The following FAM210A variants were observed in gnomAD, a reference collection of about 807,000 sequenced individuals.
The protein encoded by FAM210A is family with sequence similarity 210 member A.
A neutral mutation model predicts 25.3 loss-of-function variants in FAM210A; 13 were observed. The ratio of observed to expected loss-of-function variants is 0.51; its 90% CI spans 0.33 to 0.82. FAM210A has a LOEUF of 0.82. FAM210A is among the 40% of genes least tolerant of loss of function. FAM210A has a pLI of 0.02. For synonymous variants in FAM210A, 125 were observed against 118.7 expected (o/e 1.05, Z -0.35); for missense variants, 319 against 323.2 (o/e 0.99, Z 0.10).
At chr18:13,702,319 T>G (rs543836216) in intron 1 of FAM210A, among the ~76,000 whole-genome samples, 2 of 152,232 alleles carry the variant, frequency 1.3e-5, no homozygotes, top group Non-Finnish European at 2.9e-5. Flanking sequence ...TGCAGCCAAT[T>G]TGGTATGCTT....
At chr18:13,679,732 T>C (rs2043534791) in intron 2 of FAM210A, among the ~76,000 whole-genome samples, 1 of 152,128 alleles carries the variant, frequency 6.6e-6, no homozygotes, top group Non-Finnish European at 1.5e-5. Flanking sequence ...AGTAGACAGT[T>C]GTATCACCAT....
At chr18:13,713,276 ATAACT>A (rs773830123) in intron 1 of FAM210A, among the ~76,000 whole-genome samples, 1 of 152,246 alleles carries the variant, frequency 6.6e-6, no homozygotes, top group Admixed American at 6.5e-5. Flanking sequence ...CAAATTCAAC[ATAACT>A]TAACAACATA....
Position 13,674,456 on chromosome 18 carries a change from G to T in FAM210A, c.474-2483C>A, listed in dbSNP as rs1211651577. ...TAACATTCCTGAGCCCTAGCTTCTT[G>T]ATTTCCAGTTTCCTGATTATTAACA... On this transcript the variant is annotated intron_variant, in intron 2 of 3. Coordinates refer to ENST00000651643, the MANE Select transcript of FAM210A (RefSeq NM_152352.4). 3.1e-4 allele frequency among the ~76,000 whole-genome samples: 2 copies of T among 6,500 alleles called. 1 individual carries two copies. Among genetic ancestry groups the T allele is most frequent in the Non-Finnish European group, 6.5e-4 (2 of 3,080 alleles). 4.3% of individuals were successfully genotyped at this position (6,500 alleles called of 152,430 possible).
chr18:13,669,139 A>G (rs1453511487), intron 3 of FAM210A, among the ~76,000 whole-genome samples: 6 of 152,132 alleles, frequency 3.9e-5, no homozygotes, highest in Admixed American at 3.9e-4. Context: ...GAATCCAACT[A>G]CTTCCTGCTA....
At chr18:13,699,292 C>T (rs1462011185) in intron 1 of FAM210A, among the ~76,000 whole-genome samples, 1 of 152,162 alleles carries the variant, frequency 6.6e-6, no homozygotes, top group Admixed American at 6.5e-5. Flanking sequence ...GCCTATTCTG[C>T]TTTGGGGGCT....
intron 1 of FAM210A, among the ~76,000 whole-genome samples, chr18:13,694,825 A>T (rs1238788010): frequency 6.6e-6 from 1 of 152,258 alleles, no homozygotes; most frequent in Non-Finnish European, 1.5e-5. Context: ...TTCATCACTA[A>T]AACACCAAAA....
At chr18:13,721,816 G>A (rs1188543222) in intron 1 of FAM210A, among the ~76,000 whole-genome samples, 2 of 152,152 alleles carry the variant, frequency 1.3e-5, no homozygotes, top group African/African-American at 4.8e-5. Context: ...GAGTGTCCTG[G>A]AATTAGTGTC....
At chr18:13,708,210 G>C (rs2043794697) in intron 1 of FAM210A, among the ~76,000 whole-genome samples, 1 of 152,164 alleles carries the variant, frequency 6.6e-6, no homozygotes, top group Admixed American at 6.5e-5. Context: ...GGATTTACTG[G>C]ATTATTATAA....
chr18:13,681,352 G>A (rs1326896543), intron 2 of FAM210A, among the ~76,000 whole-genome samples: 1 of 152,164 alleles, frequency 6.6e-6, no homozygotes, highest in African/African-American at 2.4e-5. Flanking sequence ...CATAAAATGG[G>A]TGTAACTGTG....
At chr18:13,688,715 A>G (rs2043618055) in intron 1 of FAM210A, among the ~76,000 whole-genome samples, 3 of 152,348 alleles carry the variant, frequency 2.0e-5, no homozygotes, top group African/African-American at 7.2e-5. Context: ...CACTGAGCGG[A>G]TAACGCTGCT....
intron 3 of FAM210A, 45 bp from the exon 4 acceptor site, chr18:13,666,758 CTG>C: frequency 6.5e-7 from 1 of 1,540,452 alleles, no homozygotes; most frequent in Non-Finnish European, 8.9e-7. Flanking sequence ...CTGGTTATTA[CTG>C]TCATCTTAAG....
At chr18:13,685,094 A>G (rs1444671935) in intron 1 of FAM210A, among the ~76,000 whole-genome samples, 1 of 152,186 alleles carries the variant, frequency 6.6e-6, no homozygotes, top group Non-Finnish European at 1.5e-5. Flanking sequence ...CTCTTGTCCA[A>G]ATTCCTATCT....
chr18:13,664,406 C>T lies in FAM210A; in HGVS notation c.*2074G>A, dbSNP rs1188261664. ...TGTTTTAGAAAAATTCCATATAACA[C>T]AAGATTTTCACATAGTCTCCAGTGG... is the stretch of plus-strand genomic sequence containing the variant. On this transcript the variant is annotated 3_prime_UTR_variant, in exon 4 of 4. Transcript: ENST00000651643. 1 of 152,036 alleles carries T rather than the reference C, an allele frequency of 6.6e-6. No individual in the cohort carries two copies. Among genetic ancestry groups the T allele is most frequent in the Non-Finnish European group, 1.5e-5 (1 of 67,998 alleles). The allele number at this position is 152,036 out of a possible 1,614,324, so 9.4% of individuals were successfully genotyped here. A position where few individuals can be genotyped will look rare whatever the true frequency, so the allele number is the denominator to read the frequency against.
chr18:13,702,951 T>TA (rs895055084), intron 1 of FAM210A, among the ~76,000 whole-genome samples: 10 of 151,942 alleles, frequency 6.6e-5, no homozygotes, highest in African/African-American at 1.7e-4. Flanking sequence ...AGGACTTTTT[T>TA]AAAAAAAAGA....
At chr18:13,700,655 C>G (rs942637016) in intron 1 of FAM210A, among the ~76,000 whole-genome samples, 1 of 152,228 alleles carries the variant, frequency 6.6e-6, no homozygotes, top group Non-Finnish European at 1.5e-5. Context: ...CATCTCCAAA[C>G]CTCTCGGGAA....
intron 1 of FAM210A, among the ~76,000 whole-genome samples, chr18:13,719,332 TC>T (rs1242576867): frequency 6.6e-6 from 1 of 152,206 alleles, no homozygotes; most frequent in Non-Finnish European, 1.5e-5. Context: ...CACGTTTAAT[TC>T]AATTTATCAC....
chr18:13,725,068 G>T (rs1179545985), intron 1 of FAM210A, among the ~76,000 whole-genome samples: 1 of 152,172 alleles, frequency 6.6e-6, no homozygotes, highest in African/African-American at 2.4e-5. Context: ...ACTGCACCCG[G>T]TGTTTAAAAA....
At chr18:13,691,602 C>A in intron 1 of FAM210A, among the ~76,000 whole-genome samples, 1 of 151,936 alleles carries the variant, frequency 6.6e-6, no homozygotes, top group Admixed American at 6.6e-5. Context: ...GGTCAATATT[C>A]AACATTCTTA....
At chr18:13,700,963 A>C (rs959816193) in intron 1 of FAM210A, among the ~76,000 whole-genome samples, 3 of 152,102 alleles carry the variant, frequency 2.0e-5, no homozygotes, top group African/African-American at 7.2e-5. Context: ...TTTTGTCTAT[A>C]AATCTCCCAC....
Sources: allele counts gnomAD v4.1 joint callset (sites outside exome capture counted in the v4.1 genomes callset), GRCh38; gene constraint gnomAD v4.1.1; transcripts MANE v1.5; gene names NCBI Gene and HGNC (gene_info 2026-07-23, HGNC 2026-07-21).